TET3: variants seen among roughly 807,000 people sequenced by gnomAD.
TET3 encodes methylcytosine dioxygenase TET3.
A neutral mutation model predicts 141.4 loss-of-function variants in TET3; 19 were observed. The observed-to-expected ratio is 0.13, with a 90% CI of 0.09 to 0.20. The LOEUF (loss-of-function observed/expected upper bound fraction) is 0.20. Ranked by LOEUF, TET3 falls within the 10% of genes least tolerant of loss-of-function variation. The pLI is 1.00. For missense variants in TET3, 1,874 were observed against 2,356.9 expected (o/e 0.80, Z 4.24); for synonymous variants, 1,043 against 980.9 (o/e 1.06, Z -1.18).
intron 3 of TET3, among the ~76,000 whole-genome samples, chr2:74,023,764 A>G (rs927780897): frequency 1.3e-5 from 2 of 152,218 alleles, no homozygotes; most frequent in Admixed American, 1.3e-4. Context: ...CAAAGTTTTT[A>G]GTAAAGCATT....
Position 74,046,741 on chromosome 2 carries a change from A to G in TET3, c.824A>G (p.Asp275Gly). 1 of 1,613,862 alleles carries G rather than the reference A, an allele frequency of 6.2e-7. No homozygotes were observed. The highest frequency in any genetic ancestry group is 1.1e-5 in the South Asian group (1 of 91,084). The change falls in exon 4 of 12, where the codon GAT (aspartate) becomes GGT (glycine). Residue 275 changes from aspartate to glycine, a missense_variant. This residue lies in a region of TET3 where 366 missense variants were observed against 487.0 expected (regional missense o/e 0.75). Coordinates refer to ENST00000409262, the MANE Select transcript of TET3 (RefSeq NM_001287491.2). This position sits in a 1 kb window ranked among gnomAD's most constrained non-coding sequence, Gnocchi z 4.3. The stretch of plus-strand genomic sequence containing the variant: ...ATGAAACCACCCAACTGCAACTGCG[A>G]TGGCCCAGAATGCCCTGACTACCTC... ...HGMKPPNCNCDGPECPDYLEW... is the reference protein window; with the variant it reads ...HGMKPPNCNCGGPECPDYLEW...
chr2:74,067,521 A>T (rs1422985402), intron 4 of TET3, among the ~76,000 whole-genome samples: 1 of 152,260 alleles, frequency 6.6e-6, no homozygotes, highest in Non-Finnish European at 1.5e-5. Context: ...CGTCTGCAAG[A>T]TCAGTATTTG....
At chr2:74,109,716 C>A (rs988982937), downstream of TET3, among the ~76,000 whole-genome samples, 3 of 152,176 alleles carry the variant, frequency 2.0e-5, no homozygotes, top group African/African-American at 7.2e-5. Flanking sequence ...CACTACTCCC[C>A]ACCGTGCCCC....
At position 74,047,772 on chromosome 2, in the gene TET3, C is replaced by T. The variant is rs765826927; in HGVS notation, c.1855C>T (p.Pro619Ser). ...GAAGTCCAGGCCCCGGGAAGCACAG[C>T]CCCTCTTCCCACCTGTCCGACAGAT... ...IKKSRPREAQ[P>S]LFPPVRQIVL... Residue 619 changes from proline to serine, a missense_variant, in exon 4 of 12, where the codon CCC (proline) becomes TCC (serine). Transcript: ENST00000409262. The T allele has an allele frequency of 1.9e-6, 3 of 1,613,810 alleles. No homozygotes were observed. The highest frequency in any genetic ancestry group is 2.5e-6 in the Non-Finnish European group (3 of 1,179,818).
At chr2:74,041,815 G>A (rs968220678) in intron 3 of TET3, among the ~76,000 whole-genome samples, 1 of 152,100 alleles carries the variant, frequency 6.6e-6, no homozygotes, top group Non-Finnish European at 1.5e-5. Flanking sequence ...ATTTTTATGG[G>A]TACCGCTGCT....
intron 3 of TET3, among the ~76,000 whole-genome samples, chr2:74,003,603 G>C (rs1684993885): frequency 6.6e-6 from 1 of 151,136 alleles, no homozygotes; most frequent in Admixed American, 6.6e-5. Context: ...TTGCGCTCCT[G>C]AGTCTGAAGC....
intron 4 of TET3, among the ~76,000 whole-genome samples, chr2:74,057,727 A>G (rs1688292250): frequency 6.6e-6 from 1 of 152,248 alleles, no homozygotes; most frequent in African/African-American, 2.4e-5. Flanking sequence ...GTAAGGAGCT[A>G]GTTGATCCAA....
chr2:74,076,788 A>C (rs895926976), intron 5 of TET3, among the ~76,000 whole-genome samples: 7 of 152,040 alleles, frequency 4.6e-5, no homozygotes, highest in African/African-American at 1.7e-4. Flanking sequence ...CTCTTCCTCA[A>C]CCCTTTCTCT....
intron 3 of TET3, among the ~76,000 whole-genome samples, chr2:74,027,519 C>T (rs1344111889): frequency 6.6e-6 from 1 of 152,048 alleles, no homozygotes; most frequent in African/African-American, 2.4e-5. Flanking sequence ...AGCATTCACT[C>T]CTCTTTGTTC....
the TET3 span, chr2:74,122,492 T>TAC: frequency 2.9e-5 from 2 of 68,754 alleles, no homozygotes; most frequent in African/African-American, 6.6e-5. Flanking sequence ...AATACATACA[T>TAC]ATATATATAT....
At chr2:73,996,571 T>A (rs1222934843) in intron 2 of TET3, among the ~76,000 whole-genome samples, 4 of 152,182 alleles carry the variant, frequency 2.6e-5, no homozygotes, top group Non-Finnish European at 4.4e-5. Context: ...TGCAATGGCA[T>A]GATCTTGGCT....
intron 3 of TET3, among the ~76,000 whole-genome samples, chr2:74,013,610 C>A (rs1272456328): frequency 6.6e-6 from 1 of 151,124 alleles, no homozygotes; most frequent in African/African-American, 2.4e-5. Context: ...GAGATCGAGA[C>A]CATCCTGGCT....
intron 10 of TET3, among the ~76,000 whole-genome samples, chr2:74,097,764 A>G (rs1341618511): frequency 6.6e-6 from 1 of 152,200 alleles, no homozygotes; most frequent in Non-Finnish European, 1.5e-5. Flanking sequence ...TATTAAGGCC[A>G]GGGAAATATT....
At chr2:74,092,821 C>T (rs983240892) in intron 8 of TET3, 81 bp from the exon 9 acceptor site, 1 of 1,262,392 alleles carries the variant, frequency 7.9e-7, no homozygotes, top group Non-Finnish European at 1.1e-6. Flanking sequence ...CACGATGCTT[C>T]AGGAATGCCA....
chr2:74,030,986 G>C lies in TET3; in HGVS notation c.361-15292G>C, dbSNP rs189025646. Among the ~76,000 whole-genome samples the C allele has an allele frequency of 3.7e-3, 570 of 152,246 alleles. 2 individuals are homozygous for C. The highest frequency in any genetic ancestry group is 0.013 in the African/African-American group (531 of 41,526). On this transcript the variant is annotated intron_variant, in intron 3 of 11. Coordinates refer to ENST00000409262, the MANE Select transcript of TET3 (RefSeq NM_001287491.2). ...TTTTTTTTTGTAAAGGGATGTCCGG[G>C]GGGGAGTTGCTGAGGAAAAGGATGC...
intron 4 of TET3, among the ~76,000 whole-genome samples, chr2:74,071,107 G>T (rs946930363): frequency 6.6e-6 from 1 of 152,164 alleles, no homozygotes; most frequent in African/African-American, 2.4e-5. Flanking sequence ...TTAGCTTGTA[G>T]ACAGCCACCT....
intron 5 of TET3, among the ~76,000 whole-genome samples, chr2:74,078,157 TG>T (rs1447892187): frequency 6.6e-6 from 1 of 152,162 alleles, no homozygotes; most frequent in Non-Finnish European, 1.5e-5. Flanking sequence ...TTTAAAAAAA[TG>T]TTTGTGGCCT....
intron 4 of TET3, among the ~76,000 whole-genome samples, chr2:74,066,484 G>A (rs1041123847): frequency 8.5e-5 from 13 of 152,166 alleles, no homozygotes; most frequent in African/African-American, 3.1e-4. Flanking sequence ...AATTAAATTT[G>A]TACATGTATA....
At position 74,046,499 on chromosome 2, in the gene TET3, G is replaced by A. The variant is rs1424555490; in HGVS notation, c.582G>A (p.Leu194=). Residue 194 remains leucine (L), a synonymous_variant, in exon 4 of 12, where the codon CTG becomes CTA. Coordinates refer to ENST00000409262, the MANE Select transcript of TET3 (RefSeq NM_001287491.2). The surrounding 1 kb of genome is among the most constrained non-coding windows in gnomAD (Gnocchi z 4.3). ...AAPGPAHTAR[L]EDAHDLVAFS... is the part of the protein sequence containing the mutation. ...CAGGCCCAGCTCATACTGCTCGCCT[G>A]GAAGATGCCCACGATCTGGTGGCCT... The A allele has an allele frequency of 6.2e-6, 10 of 1,613,878 alleles. No individual in the cohort carries two copies. The highest frequency in any genetic ancestry group is 8.5e-6 in the Non-Finnish European group (10 of 1,179,880).
Sources: allele counts gnomAD v4.1 joint callset (sites outside exome capture counted in the v4.1 genomes callset), GRCh38; gene constraint gnomAD v4.1.1; regional missense constraint gnomAD v4.1.1; non-coding constraint Gnocchi (gnomAD v3.1); transcripts MANE v1.5; gene names NCBI Gene and HGNC (gene_info 2026-07-23, HGNC 2026-07-21).